The following GALNTL5 variants were observed in gnomAD, a reference collection of about 807,000 sequenced individuals.
The protein encoded by GALNTL5 is inactive polypeptide N-acetylgalactosaminyltransferase-like protein 5.
Under a neutral mutation model 51.0 loss-of-function variants are expected in GALNTL5, and 44 were observed. The ratio of observed to expected loss-of-function variants is 0.86; its 90% CI spans 0.68 to 1.11. The LOEUF (loss-of-function observed/expected upper bound fraction) is 1.11. Ranked by LOEUF, GALNTL5 falls within the 50% of genes least tolerant of loss-of-function variation. GALNTL5 has a pLI of 0.00. For missense variants in GALNTL5, 528 were observed against 531.8 expected, an observed-to-expected ratio of 0.99 and a Z score of 0.07; for synonymous variants, 192 against 182.8, an observed-to-expected ratio of 1.05 and a Z score of -0.41.
Position 151,995,347 on chromosome 7 carries a change from A to ATTTTTTTTTTTTT in GALNTL5, c.659-7367_659-7366insTTTTTTTTTTTTT, listed in dbSNP as rs1563017632. On this transcript the variant is annotated intron_variant, in intron 5 of 8. Coordinates refer to ENST00000392800, the MANE Select transcript of GALNTL5 (RefSeq NM_145292.4). ...AAGAAATCTACGATCAGTTGGTATG[A>ATTTTTTTTTTTTT]ATTTTTTTTTTTTTTTTTTTTTTTT... 15 of 90,980 alleles carry ATTTTTTTTTTTTT rather than the reference A, an allele frequency of 1.6e-4. 4 individuals carry two copies. The highest frequency in any genetic ancestry group is 2.6e-4 in the Non-Finnish European group (12 of 45,352). 5.6% of individuals were successfully genotyped at this position (90,980 alleles called of 1,614,324 possible).
At chr7:151,989,580 T>C (rs1378224683) in intron 5 of GALNTL5, among the ~76,000 whole-genome samples, 3 of 152,240 alleles carry the variant, frequency 2.0e-5, no homozygotes, top group African/African-American at 4.8e-5. Flanking sequence ...GTGTGATTGA[T>C]TGTGCCTGTA....
chr7:151,997,790 G>C (rs557293536), intron 5 of GALNTL5, among the ~76,000 whole-genome samples: 2 of 152,134 alleles, frequency 1.3e-5, no homozygotes, highest in Non-Finnish European at 2.9e-5. Context: ...AAATGTTTTT[G>C]TTGCAGTTGT....
At chr7:151,992,919 G>A (rs778585819) in intron 5 of GALNTL5, among the ~76,000 whole-genome samples, 4 of 151,916 alleles carry the variant, frequency 2.6e-5, no homozygotes, top group Non-Finnish European at 2.9e-5. Context: ...CTCACCCCAC[G>A]CACACGCATC....
chr7:151,983,257 A>G (rs2081317589), intron 4 of GALNTL5, 105 bp downstream of exon 4: 2 of 922,388 alleles, frequency 2.2e-6, no homozygotes, highest in Non-Finnish European at 3.5e-6. Flanking sequence ...GGCTCACTGC[A>G]ACCTCTGCCT....
chr7:151,971,495 C>T (rs2081141495), intron 3 of GALNTL5, among the ~76,000 whole-genome samples: 1 of 152,116 alleles, frequency 6.6e-6, no homozygotes, highest in Non-Finnish European at 1.5e-5. Flanking sequence ...TTAACATAAT[C>T]ATTGTTATGT....
chr7:151,982,606 A>G (rs1382673801), intron 3 of GALNTL5, among the ~76,000 whole-genome samples: 1 of 151,634 alleles, frequency 6.6e-6, no homozygotes, highest in Non-Finnish European at 1.5e-5. Context: ...TTAATAATTC[A>G]TTTTTATCTG....
chr7:151,994,557 C>T (rs2081470268), intron 5 of GALNTL5, among the ~76,000 whole-genome samples: 1 of 152,060 alleles, frequency 6.6e-6, no homozygotes, highest in African/African-American at 2.4e-5. Context: ...TGCTTCTCTC[C>T]CAGCCTGCCA....
At chr7:151,966,849 T>C (rs2081066627) in intron 1 of GALNTL5, among the ~76,000 whole-genome samples, 1 of 152,228 alleles carries the variant, frequency 6.6e-6, no homozygotes, top group Non-Finnish European at 1.5e-5. Context: ...AACAAGCTGC[T>C]TGAAGTCAGA....
chr7:152,001,895 A>C (rs1439496652), intron 5 of GALNTL5, among the ~76,000 whole-genome samples: 6 of 152,150 alleles, frequency 3.9e-5, no homozygotes, highest in Non-Finnish European at 8.8e-5. Flanking sequence ...TACAAGAAAA[A>C]GTCTAAACTC....
Position 152,002,818 on chromosome 7 carries a change from CT to C in GALNTL5, c.764del (p.Leu255ArgfsTer2), listed in dbSNP as rs745743096. 165 of 1,614,120 alleles carry C rather than the reference CT, an allele frequency of 1.0e-4. No homozygotes were observed. In the East Asian group the frequency reaches 2.8e-3, roughly 27 times the overall value. ...AKDPKMVVCP[L>X]IDVIDDRTLE... ...GGACCCCAAAATGGTGGTGTGCCCC[CT>C]GATAGATGTCATTGATGATAGAACT... On this transcript the variant is annotated frameshift_variant, in exon 6 of 9. Coordinates refer to ENST00000392800, the MANE Select transcript of GALNTL5 (RefSeq NM_145292.4). LOFTEE classifies it high-confidence loss of function.
chr7:151,996,295 T>C (rs1189557608), intron 5 of GALNTL5, among the ~76,000 whole-genome samples: 1 of 152,064 alleles, frequency 6.6e-6, no homozygotes, highest in Non-Finnish European at 1.5e-5. Flanking sequence ...GCCATGCTGG[T>C]GTGCTGCACC....
intron 8 of GALNTL5, among the ~76,000 whole-genome samples, chr7:152,018,325 A>G (rs1291179210): frequency 6.6e-6 from 1 of 152,198 alleles, no homozygotes; most frequent in African/African-American, 2.4e-5. Flanking sequence ...TGTATACGAA[A>G]GTGCCTGTCT....
chr7:151,996,872 G>A (rs1455224518), intron 5 of GALNTL5, among the ~76,000 whole-genome samples: 4 of 151,882 alleles, frequency 2.6e-5, no homozygotes, highest in Non-Finnish European at 5.9e-5. Context: ...TTAATGTGAT[G>A]TAAAATAAAT....
At chr7:151,975,655 G>A (rs1296650608) in intron 3 of GALNTL5, among the ~76,000 whole-genome samples, 1 of 151,756 alleles carries the variant, frequency 6.6e-6, no homozygotes, top group African/African-American at 2.4e-5. Flanking sequence ...ATAACATTAG[G>A]TTGTGTGTTT....
At chr7:151,981,984 ATTTCT>A (rs1472210397) in intron 3 of GALNTL5, among the ~76,000 whole-genome samples, 1 of 151,782 alleles carries the variant, frequency 6.6e-6, no homozygotes, top group African/African-American at 2.4e-5. Context: ...GCTCCAGCAG[ATTTCT>A]TTAATTTACA....
At position 151,956,558 on chromosome 7, in the gene GALNTL5, T is replaced by C. The variant is rs1408091388; in HGVS notation, c.-91T>C. Reference sequence around the variant, plus strand: ...GACCCCTGCCTCATTCAGCTGTGACTCTGCTTGGAAAATTCATCAGTTACA... The same window carrying C: ...GACCCCTGCCTCATTCAGCTGTGACCCTGCTTGGAAAATTCATCAGTTACA... On this transcript the variant is annotated 5_prime_UTR_variant, in exon 1 of 9. Coordinates refer to ENST00000392800, the MANE Select transcript of GALNTL5 (RefSeq NM_145292.4). The C allele has an allele frequency of 2.0e-5, 3 of 152,050 alleles. No homozygotes were observed. The highest frequency in any genetic ancestry group is 4.4e-5 in the Non-Finnish European group (3 of 68,026). 9.4% of individuals were successfully genotyped at this position (152,050 alleles called of 1,614,324 possible).
intron 7 of GALNTL5, among the ~76,000 whole-genome samples, chr7:152,010,006 G>T (rs554090209): frequency 1.3e-5 from 2 of 152,324 alleles, no homozygotes; most frequent in East Asian, 3.9e-4. Context: ...GCATTGAGAA[G>T]AAGACACAGT....
In GALNTL5 at chr7:151,983,028, C is replaced by A; in HGVS notation, c.411C>A (p.Ser137Arg). 6.2e-7 allele frequency: 1 copy of A among 1,614,162 alleles called. No homozygotes were observed. The highest frequency in any genetic ancestry group is 8.5e-7 in the Non-Finnish European group (1 of 1,180,020). ...KHYPARLPTA[S>R]IVICFYNEEC... ...ACCCAGCCCGCCTCCCGACTGCCAGCATTGTCATTTGCTTCTATAATGAAG... is the reference window on the plus strand; with the variant it reads ...ACCCAGCCCGCCTCCCGACTGCCAGAATTGTCATTTGCTTCTATAATGAAG... The change falls in exon 4 of 9, where the codon AGC becomes AGA. Residue 137 changes from serine to arginine, a missense_variant. Transcript: ENST00000392800.
chr7:151,959,232 C>T (rs1265628391), intron 1 of GALNTL5, among the ~76,000 whole-genome samples: 10 of 148,942 alleles, frequency 6.7e-5, no homozygotes, highest in African/African-American at 2.0e-4. Context: ...CTCCCCTTAC[C>T]TTTTTTTTTT....
Sources: allele counts gnomAD v4.1 joint callset (sites outside exome capture counted in the v4.1 genomes callset), GRCh38; gene constraint gnomAD v4.1.1; transcripts MANE v1.5; gene names NCBI Gene and HGNC (gene_info 2026-07-23, HGNC 2026-07-21).